The following PROX1 variants were observed in gnomAD, a reference collection of about 807,000 sequenced individuals.
The protein encoded by PROX1 is prospero homeobox 1.
In PROX1, 7 loss-of-function variants were observed where a neutral mutation model predicts 58.8. The ratio of observed to expected loss-of-function variants is 0.12; its 90% CI spans 0.07 to 0.22. The LOEUF (loss-of-function observed/expected upper bound fraction) is 0.22. Among genes scored for constraint, PROX1 ranks in the 10% least tolerant of loss-of-function variants. PROX1 has a pLI of 1.00. For missense variants in PROX1, 675 were observed against 927.8 expected (o/e 0.73, Z 3.54); for synonymous variants, 350 against 358.3 (o/e 0.98, Z 0.26).
chr1:214,031,066 T>TGTGTGTGTGTGTGTGTGCGC (rs1231686198), intron 4 of PROX1, among the ~76,000 whole-genome samples: 2 of 95,070 alleles, frequency 2.1e-5, no homozygotes, highest in Non-Finnish European at 4.9e-5. Context: ...TGTGTGTGTG[T>TGTGTGTGTGTGTGTGTGCGC]GCGCGCGCGC....
Position 214,039,978 on chromosome 1 carries a change from T to C in PROX1, c.*4144T>C, listed in dbSNP as rs1300935742. ...TATATGTGAAGACAGTGCAAAAATC[T>C]CTTTGCCATGTATATTATAGCGTAT... is the stretch of plus-strand genomic sequence containing the variant. On this transcript the variant is annotated 3_prime_UTR_variant, in exon 5 of 5. Transcript: ENST00000366958. The C allele has an allele frequency of 6.6e-6, 1 of 152,208 alleles. No individual in the cohort carries two copies. The highest frequency in any genetic ancestry group is 1.5e-5 in the Non-Finnish European group (1 of 68,034). The allele number at this position is 152,208 out of a possible 1,614,324, so 9.4% of individuals were successfully genotyped here.
At chr1:214,029,326 T>C (rs1664566968) in intron 4 of PROX1, 1 of 152,222 alleles carries the variant, frequency 6.6e-6, no homozygotes, top group Admixed American at 6.5e-5. Flanking sequence ...TGGTACATCA[T>C]TATACCGTTA....
At chr1:214,014,966 C>G (rs1664042724) in intron 4 of PROX1, among the ~76,000 whole-genome samples, 1 of 152,182 alleles carries the variant, frequency 6.6e-6, no homozygotes, top group Admixed American at 6.5e-5. Flanking sequence ...AGTTTATCAG[C>G]AGCGAAGAGG....
At chr1:213,995,759 A>G (rs1377122686) in intron 1 of PROX1, among the ~76,000 whole-genome samples, 6 of 152,180 alleles carry the variant, frequency 3.9e-5, no homozygotes, top group African/African-American at 1.4e-4. Flanking sequence ...ATCAACAGAT[A>G]TCATCTTCAC....
chr1:214,008,650 GTAAGAGGTAAATGC>G (rs1164096907), intron 3 of PROX1, among the ~76,000 whole-genome samples: 2 of 152,094 alleles, frequency 1.3e-5, no homozygotes, highest in African/African-American at 4.8e-5. Flanking sequence ...TTCCACCTGG[GTAAGAGGTAAATGC>G]TTTTCAATTA....
chr1:214,025,581 C>A (rs1213808583), intron 4 of PROX1, among the ~76,000 whole-genome samples: 2 of 152,094 alleles, frequency 1.3e-5, no homozygotes, highest in Non-Finnish European at 2.9e-5. Context: ...TGCTGACCAC[C>A]GGCTGAAGGT....
At chr1:214,003,952 T>G (rs1663614074) in intron 2 of PROX1, among the ~76,000 whole-genome samples, 2 of 147,278 alleles carry the variant, frequency 1.4e-5, no homozygotes, top group East Asian at 2.0e-4. Context: ...GTGAAATTTT[T>G]GTTGGGTAGT....
intron 2 of PROX1, among the ~76,000 whole-genome samples, chr1:214,001,532 C>T (rs1037364774): frequency 3.9e-5 from 6 of 152,080 alleles, no homozygotes; most frequent in African/African-American, 9.7e-5. Context: ...TAGTATAAGC[C>T]GTTAAGACGT....
At chr1:213,988,536 T>G (rs1423982674) in intron 1 of PROX1, 53 bp downstream of exon 1, 1 of 152,052 alleles carries the variant, frequency 6.6e-6, no homozygotes, top group Admixed American at 6.6e-5. Flanking sequence ...CAGAATCACT[T>G]GCACTGTCTT....
intron 2 of PROX1, 76 bp downstream of exon 2, chr1:213,998,336 T>C (rs1663364440): frequency 7.0e-7 from 1 of 1,434,796 alleles, no homozygotes; most frequent in African/African-American, 1.4e-5. Context: ...ACACAATATC[T>C]AGAGTAATGT....
intron 2 of PROX1, among the ~76,000 whole-genome samples, chr1:214,001,914 TC>T (rs752368029): frequency 2.6e-5 from 4 of 152,116 alleles, no homozygotes; most frequent in Non-Finnish European, 4.4e-5. Flanking sequence ...ATGGTGAACT[TC>T]CTAGTGGGAG....
intron 4 of PROX1, among the ~76,000 whole-genome samples, chr1:214,018,419 T>G (rs1186486080): frequency 1.3e-5 from 2 of 152,204 alleles, no homozygotes; most frequent in African/African-American, 4.8e-5. Context: ...CTTCAGCCAA[T>G]CTTCAATTCT....
At chr1:214,017,528 C>T (rs1558181890) in intron 4 of PROX1, among the ~76,000 whole-genome samples, 1 of 151,656 alleles carries the variant, frequency 6.6e-6, no homozygotes, top group South Asian at 2.1e-4. Context: ...ACTGAGAGGC[C>T]GTTTCTGACT....
intron 4 of PROX1, among the ~76,000 whole-genome samples, chr1:214,031,768 C>A (rs1187498606): frequency 1.3e-5 from 2 of 152,006 alleles, no homozygotes; most frequent in Non-Finnish European, 2.9e-5. Context: ...AGAAAGTACC[C>A]CCTATTATTC....
At chr1:214,021,213 C>T (rs1050902352) in intron 4 of PROX1, among the ~76,000 whole-genome samples, 8 of 152,230 alleles carry the variant, frequency 5.3e-5, no homozygotes, top group Non-Finnish European at 1.0e-4. Flanking sequence ...ATGAGTTTTA[C>T]TTAAACCTTT....
At chr1:214,007,885 A>T (rs1221183610) in intron 3 of PROX1, among the ~76,000 whole-genome samples, 1 of 152,214 alleles carries the variant, frequency 6.6e-6, no homozygotes, top group Non-Finnish European at 1.5e-5. Flanking sequence ...TCTTCTCAGA[A>T]ATGAAACCTG....
chr1:214,015,936 C>A (rs1037821076), intron 4 of PROX1, among the ~76,000 whole-genome samples: 1 of 152,140 alleles, frequency 6.6e-6, no homozygotes, highest in African/African-American at 2.4e-5. Context: ...TGACAGATCT[C>A]CCCTATCCTC....
intron 4 of PROX1, among the ~76,000 whole-genome samples, chr1:214,031,492 C>T (rs1021594592): frequency 1.3e-5 from 2 of 152,130 alleles, no homozygotes; most frequent in Non-Finnish European, 2.9e-5. Flanking sequence ...CTCCTCCGCC[C>T]GCCCTCCCCA....
intron 4 of PROX1, among the ~76,000 whole-genome samples, chr1:214,028,666 A>G (rs1664540408): frequency 6.6e-6 from 1 of 152,164 alleles, no homozygotes; most frequent in Non-Finnish European, 1.5e-5. Context: ...TATGCTTCCC[A>G]AAGTGCATTC....
Sources: allele counts gnomAD v4.1 joint callset (sites outside exome capture counted in the v4.1 genomes callset), GRCh38; gene constraint gnomAD v4.1.1; transcripts MANE v1.5; gene names NCBI Gene and HGNC (gene_info 2026-07-23, HGNC 2026-07-21).